PHACTR2: variants seen among roughly 807,000 people sequenced by gnomAD.
The protein encoded by PHACTR2 is phosphatase and actin regulator 2, also known as chromosome 6 open reading frame 56.
PHACTR2 carries 30 observed loss-of-function variants against 76.0 expected under a neutral mutation model. That is an observed-to-expected ratio of 0.39 (90% CI 0.30 to 0.54). The LOEUF (loss-of-function observed/expected upper bound fraction) is 0.54, where lower values mean the gene tolerates loss of function less well. PHACTR2 is among the 20% of genes least tolerant of loss of function. The probability of loss-of-function intolerance (pLI) is 0.61; values close to 1 mark genes in which losing one functional copy is unlikely to be tolerated. For missense variants in PHACTR2, 696 were observed against 781.1 expected, an observed-to-expected ratio of 0.89 and a Z score of 1.30; for synonymous variants, 292 against 292.5, an observed-to-expected ratio of 1.00 and a Z score of 0.02.
At chr6:143,763,755 A>G (rs1173664703) in intron 5 of PHACTR2, among the ~76,000 whole-genome samples, 1 of 152,240 alleles carries the variant, frequency 6.6e-6, no homozygotes, top group East Asian at 1.9e-4. Flanking sequence ...TCTTTCATTT[A>G]TTCTTCATCT....
intron 2 of PHACTR2, among the ~76,000 whole-genome samples, chr6:143,736,588 T>G (rs1778825591): frequency 1.2e-5 from 1 of 82,548 alleles, no homozygotes; most frequent in African/African-American, 4.1e-5. Context: ...TTTTTTTTTT[T>G]TTTTGAGACG....
chr6:143,814,671 C>T (rs1235104465), intron 12 of PHACTR2, among the ~76,000 whole-genome samples: 1 of 141,602 alleles, frequency 7.1e-6, no homozygotes, highest in Non-Finnish European at 1.6e-5. Context: ...GGCGCCATCT[C>T]TGCTCACTGC....
At chr6:143,544,949 T>G (rs1378454392) in intron 1 of PHACTR2, among the ~76,000 whole-genome samples, 1 of 151,380 alleles carries the variant, frequency 6.6e-6, no homozygotes, top group Non-Finnish European at 1.5e-5. Context: ...GATTTTTGTT[T>G]TTTTTTTTTC....
chr6:143,754,851 G>A lies in PHACTR2; in HGVS notation c.454+939G>A, dbSNP rs1779265847. 6.6e-6 allele frequency among the ~76,000 whole-genome samples: 1 copy of A among 152,170 alleles called. No individual in the cohort carries two copies. Among genetic ancestry groups the A allele is most frequent in the African/African-American group, 2.4e-5 (1 of 41,444 alleles). On this transcript the variant is annotated intron_variant, in intron 4 of 12. Coordinates refer to ENST00000440869, the MANE Select transcript of PHACTR2 (RefSeq NM_001100164.2). The surrounding 1 kb of genome is among the most constrained non-coding windows in gnomAD (Gnocchi z 6.2). ...TAAAATTTTGTCAAACCTAGTGTGTGTTCTGTGGGCATTTTGAACTCTTAG... is the reference window on the plus strand; with the variant it reads ...TAAAATTTTGTCAAACCTAGTGTGTATTCTGTGGGCATTTTGAACTCTTAG...
In PHACTR2 at chr6:143,595,454, C is replaced by T. The variant is rs191867719; in HGVS notation, c.217+58247C>T. Among the ~76,000 whole-genome samples the T allele has an allele frequency of 8.5e-4, 130 of 152,330 alleles. No homozygotes were observed. The highest frequency in any genetic ancestry group is 3.4e-3 in the Middle Eastern group (1 of 294). ...CCTGGGTCATGAGAATTCTATGGTG[C>T]TGACTGCATTTGGAGCTTAATTATT... On this transcript the variant is annotated intron_variant, in intron 1 of 11. Transcript: ENST00000367584. The surrounding 1 kb of genome is among the most constrained non-coding windows in gnomAD (Gnocchi z 4.2).
At position 143,765,882 on chromosome 6, in the gene PHACTR2, C is replaced by A; in HGVS notation, c.1232+84C>A. 8.3e-7 allele frequency: 1 copy of A among 1,198,512 alleles called. No homozygotes were observed. The highest frequency in any genetic ancestry group is 1.2e-6 in the Non-Finnish European group (1 of 850,476). 74.2% of individuals were successfully genotyped at this position (1,198,512 alleles called of 1,614,324 possible). ...TGTTGGAAATGAAGCACCGGGTTTG[C>A]TTTCTTATATAATTTAATCTACTGA... On this transcript the variant is annotated intron_variant, in intron 6 of 12. Coordinates refer to ENST00000440869, the MANE Select transcript of PHACTR2 (RefSeq NM_001100164.2). This position sits in a 1 kb window ranked among gnomAD's most constrained non-coding sequence, Gnocchi z 4.1.
At chr6:143,564,195 G>A (rs936147027) in intron 1 of PHACTR2, among the ~76,000 whole-genome samples, 398 of 31,144 alleles carry the variant, frequency 0.013, 5 homozygotes, top group Middle Eastern at 0.024. Context: ...GTGTGTGTGT[G>A]CATATATATA....
chr6:143,604,410 G>A (rs1321616971), upstream of PHACTR2, among the ~76,000 whole-genome samples: 3 of 152,210 alleles, frequency 2.0e-5, no homozygotes, highest in Middle Eastern at 3.4e-3. Flanking sequence ...TGTGATTTTG[G>A]AGTCTCTCTG....
intron 1 of PHACTR2, among the ~76,000 whole-genome samples, chr6:143,693,322 C>T (rs1178972296): frequency 6.6e-6 from 1 of 152,152 alleles, no homozygotes; most frequent in Non-Finnish European, 1.5e-5. Flanking sequence ...ACTGCAACCT[C>T]CACTTCCCAG....
Position 143,561,579 on chromosome 6 carries a change from G to A in PHACTR2, c.217+24372G>A. The A allele has an allele frequency of 6.6e-6, 1 of 152,590 alleles. No homozygotes were observed. The highest frequency in any genetic ancestry group is 1.5e-5 in the Non-Finnish European group (1 of 68,246). 9.5% of individuals were successfully genotyped at this position (152,590 alleles called of 1,614,324 possible). A position where few individuals can be genotyped will look rare whatever the true frequency, so the allele number is the denominator to read the frequency against. On this transcript the variant is annotated intron_variant, in intron 1 of 11. Coordinates refer to the PHACTR2 transcript ENST00000367584. This position sits in a 1 kb window ranked among gnomAD's most constrained non-coding sequence, Gnocchi z 4.1. ...CCTCCTCCAGTCAGTCCTCCCTGGA[G>A]CTGGGCATAGTGAAGTCTCTGGGGA...
At chr6:143,644,329 A>G (rs910024548) in intron 1 of PHACTR2, among the ~76,000 whole-genome samples, 5 of 152,054 alleles carry the variant, frequency 3.3e-5, no homozygotes, top group African/African-American at 9.7e-5. Flanking sequence ...TGAGCCGGGC[A>G]TGGTGGCGGG....
chr6:143,543,815 A>G lies in PHACTR2; in HGVS notation c.217+6608A>G, dbSNP rs1781195134. The stretch of plus-strand genomic sequence containing the variant: ...TTTTCCTGGGAGACACAATTTAGGC[A>G]TTTGCAAGTTTGATATGGATATATT... On this transcript the variant is annotated intron_variant, in intron 1 of 11. Transcript: ENST00000367584. This position sits in a 1 kb window ranked among gnomAD's most constrained non-coding sequence, Gnocchi z 4.7. Among the ~76,000 whole-genome samples the G allele has an allele frequency of 6.6e-6, 1 of 152,196 alleles. No individual in the cohort carries two copies. Among genetic ancestry groups the G allele is most frequent in the African/African-American group, 2.4e-5 (1 of 41,452 alleles).
In PHACTR2 at chr6:143,608,903, CAG is replaced by C. The variant is rs1775932984; in HGVS notation, c.13+583_13+584del. Reference sequence around the variant, plus strand: ...TATCTTTACTTGATAACTAGACAAACAGATGATTGAAGTATGTTAATGTCAAT... The same window carrying C: ...TATCTTTACTTGATAACTAGACAAACATGATTGAAGTATGTTAATGTCAAT... On this transcript the variant is annotated intron_variant, in intron 1 of 11. Transcript: ENST00000305766. The surrounding 1 kb of genome is among the most constrained non-coding windows in gnomAD (Gnocchi z 4.6). 6.6e-6 allele frequency among the ~76,000 whole-genome samples: 1 copy of C among 152,140 alleles called. No individual in the cohort carries two copies. The highest frequency in any genetic ancestry group is 2.1e-4 in the South Asian group (1 of 4,828).
intron 2 of PHACTR2, among the ~76,000 whole-genome samples, chr6:143,744,169 G>T (rs1779003704): frequency 6.6e-6 from 1 of 152,198 alleles, no homozygotes; most frequent in Admixed American, 6.5e-5. Context: ...TAGGACAGAA[G>T]GTTGAGAATT....
At chr6:143,781,578 A>G (rs536866399) in intron 9 of PHACTR2, among the ~76,000 whole-genome samples, 1 of 152,332 alleles carries the variant, frequency 6.6e-6, no homozygotes, top group Admixed American at 6.5e-5. Flanking sequence ...TATCAACAAT[A>G]TCAACAATGT....
chr6:143,815,784 C>G (rs1776282768), intron 12 of PHACTR2, among the ~76,000 whole-genome samples: 1 of 151,614 alleles, frequency 6.6e-6, no homozygotes, highest in African/African-American at 2.4e-5. Flanking sequence ...CCCAGCTACT[C>G]TGGAGGCTAA....
At chr6:143,544,940 A>C (rs116647011) in intron 1 of PHACTR2, among the ~76,000 whole-genome samples, 1 of 142,738 alleles carries the variant, frequency 7.0e-6, no homozygotes, top group African/African-American at 2.5e-5. Flanking sequence ...ATAATGAGAG[A>C]TTTTTGTTTT....
rs1776428581 is a variant in PHACTR2, at chr6:143,821,991, C to G, written c.1923-1683C>G. ...GGCAATAGGAGTGAAACCCTGTCCC[C>G]CTCTGGAGCTCCCCCCAACCCACCC... is the stretch of plus-strand genomic sequence containing the variant. On this transcript the variant is annotated intron_variant, in intron 12 of 12. Coordinates refer to ENST00000440869, the MANE Select transcript of PHACTR2 (RefSeq NM_001100164.2). The surrounding 1 kb of genome is among the most constrained non-coding windows in gnomAD (Gnocchi z 5.2). Among the ~76,000 whole-genome samples, 1 of 151,936 alleles carries G rather than the reference C, an allele frequency of 6.6e-6. No homozygotes were observed. The highest frequency in any genetic ancestry group is 1.5e-5 in the Non-Finnish European group (1 of 67,970).
intron 1 of PHACTR2, among the ~76,000 whole-genome samples, chr6:143,600,554 A>C (rs961161889): frequency 6.6e-5 from 10 of 152,248 alleles, no homozygotes; most frequent in Non-Finnish European, 1.5e-4. Context: ...TGGTAAGCAT[A>C]TATCCTTCTG....
Sources: gnomAD v4.1 joint callset for allele counts (sites outside exome capture counted in the v4.1 genomes callset) on GRCh38, gnomAD v4.1.1 for gene constraint, Gnocchi (gnomAD v3.1) non-coding constraint, MANE v1.5 for transcripts, NCBI Gene and HGNC (gene_info 2026-07-23, HGNC 2026-07-21) for gene names.